The following SLIT2 variants were observed in gnomAD, a reference collection of about 807,000 sequenced individuals.
The protein encoded by SLIT2 is slit guidance ligand 2.
SLIT2 carries 41 observed loss-of-function variants against 185.7 expected under a neutral mutation model. That is an observed-to-expected ratio of 0.22 (90% CI 0.17 to 0.29). SLIT2 has a LOEUF of 0.29. SLIT2 is among the 10% of genes least tolerant of loss of function. The pLI, the probability that SLIT2 is intolerant of heterozygous loss-of-function variation, is 1.00. For missense variants in SLIT2, 1,571 were observed against 1,909.0 expected (o/e 0.82, Z 3.30); for synonymous variants, 693 against 680.2 (o/e 1.02, Z -0.29).
chr4:20,474,684 A>G (rs1715908719), intron 5 of SLIT2, among the ~76,000 whole-genome samples: 1 of 151,882 alleles, frequency 6.6e-6, no homozygotes, highest in African/African-American at 2.4e-5. Context: ...CATCTTTAAC[A>G]CTGAACAGTA....
chr4:20,500,027 A>G (rs769266167), intron 9 of SLIT2, among the ~76,000 whole-genome samples: 1 of 152,224 alleles, frequency 6.6e-6, no homozygotes, highest in Admixed American at 6.5e-5. Flanking sequence ...TAATTTTTTT[A>G]CAGCACATAT....
At chr4:20,494,257 TG>T (rs1718033553) in intron 9 of SLIT2, among the ~76,000 whole-genome samples, 1 of 152,158 alleles carries the variant, frequency 6.6e-6, no homozygotes, top group Non-Finnish European at 1.5e-5. Context: ...GAAACAGCTA[TG>T]ATAGCAAACA....
chr4:20,437,267 TCTC>T (rs989466835), intron 4 of SLIT2, among the ~76,000 whole-genome samples: 2 of 152,088 alleles, frequency 1.3e-5, no homozygotes, highest in African/African-American at 2.4e-5. Context: ...CAAGCTGGCT[TCTC>T]CTGCAAATTT....
At chr4:20,295,412 A>G (rs1716355946) in intron 4 of SLIT2, among the ~76,000 whole-genome samples, 1 of 152,190 alleles carries the variant, frequency 6.6e-6, no homozygotes, top group African/African-American at 2.4e-5. Flanking sequence ...TTTAACTTTA[A>G]TTTGAACAAA....
intron 4 of SLIT2, among the ~76,000 whole-genome samples, chr4:20,407,920 TAAAACA>T (rs1726898767): frequency 6.6e-6 from 1 of 152,006 alleles, no homozygotes; most frequent in Non-Finnish European, 1.5e-5. Context: ...AAAGCAAAAA[TAAAACA>T]AAACACTTTG....
At chr4:20,349,515 T>C (rs1246913114) in intron 4 of SLIT2, among the ~76,000 whole-genome samples, 2 of 152,144 alleles carry the variant, frequency 1.3e-5, no homozygotes, top group Admixed American at 6.6e-5. Flanking sequence ...ATGATGCTAT[T>C]GAAAGAAATG....
rs183524070 is a variant in SLIT2, at chr4:20,476,010, G to T, written c.468-4706G>T. Among the ~76,000 whole-genome samples the T allele has an allele frequency of 9.4e-3, 1,435 of 152,204 alleles. 11 individuals are homozygous for T. Among genetic ancestry groups the T allele is most frequent in the Non-Finnish European group, 0.015 (1,051 of 67,996 alleles). On this transcript the variant is annotated intron_variant, in intron 5 of 36. Coordinates refer to ENST00000504154, the MANE Select transcript of SLIT2 (RefSeq NM_004787.4). ...TAAATTACTTTGGGGTCCTCAGAAT[G>T]GTCCATACCTTAATTGCTTTCTTTA...
intron 9 of SLIT2, among the ~76,000 whole-genome samples, chr4:20,495,563 C>A (rs1278917954): frequency 6.6e-6 from 1 of 152,124 alleles, no homozygotes; most frequent in East Asian, 1.9e-4. Flanking sequence ...TTTGTATGTG[C>A]TATAGATTTT....
chr4:20,336,543 A>C (rs1195624981), intron 4 of SLIT2, among the ~76,000 whole-genome samples: 5 of 152,108 alleles, frequency 3.3e-5, no homozygotes, highest in Admixed American at 1.3e-4. Context: ...GAGTTGGGGG[A>C]GGGGAGAGGG....
At chr4:20,439,796 T>C (rs967277544) in intron 4 of SLIT2, among the ~76,000 whole-genome samples, 18 of 152,162 alleles carry the variant, frequency 1.2e-4, no homozygotes, top group Admixed American at 5.2e-4. Context: ...TTTAGTAATA[T>C]GTATTAAGTG....
intron 4 of SLIT2, among the ~76,000 whole-genome samples, chr4:20,339,363 G>A (rs964828095): frequency 5.9e-5 from 9 of 152,052 alleles, no homozygotes; most frequent in African/African-American, 1.7e-4. Flanking sequence ...GTGCCGGGGT[G>A]TACACAGTAA....
At chr4:20,410,243 C>CTTTTTTTTTTTTTTTTTTTT (rs1160985126) in intron 4 of SLIT2, among the ~76,000 whole-genome samples, 1 of 69,050 alleles carries the variant, frequency 1.4e-5, no homozygotes. Context: ...TCTTTCTTTT[C>CTTTTTTTTTTTTTTTTTTTT]TTTTTTTTTT....
At chr4:20,522,012 A>C (rs956406436) in intron 12 of SLIT2, among the ~76,000 whole-genome samples, 4 of 152,206 alleles carry the variant, frequency 2.6e-5, no homozygotes, top group Admixed American at 1.3e-4. Context: ...TGCTGTATCC[A>C]AGTATTGCCT....
intron 9 of SLIT2, among the ~76,000 whole-genome samples, chr4:20,507,169 CTCT>C (rs1560484134): frequency 6.6e-6 from 1 of 151,886 alleles, no homozygotes; most frequent in Non-Finnish European, 1.5e-5. Context: ...TTTATCATGA[CTCT>C]TCTTTGTTTT....
intron 29 of SLIT2, among the ~76,000 whole-genome samples, chr4:20,582,799 C>T (rs1468101713): frequency 1.3e-5 from 2 of 152,188 alleles, no homozygotes; most frequent in African/African-American, 4.8e-5. Context: ...TTACCAACAT[C>T]ACTACTCTTG....
At chr4:20,570,141 A>C (rs1725444699) in intron 29 of SLIT2, among the ~76,000 whole-genome samples, 1 of 151,822 alleles carries the variant, frequency 6.6e-6, no homozygotes, top group African/African-American at 2.4e-5. Context: ...CTTATTTTTA[A>C]TTTTTATTTT....
At chr4:20,486,052 G>T (rs1041027999) in intron 6 of SLIT2, 148 bp from the exon 7 acceptor site, 3 of 607,016 alleles carry the variant, frequency 4.9e-6, no homozygotes, top group African/African-American at 3.8e-5. Context: ...TTATCAACTT[G>T]TCTATAGAGT....
chr4:20,511,179 A>G (rs1487673428), intron 11 of SLIT2, 42 bp downstream of exon 11: 6 of 1,186,486 alleles, frequency 5.1e-6, no homozygotes, highest in Non-Finnish European at 3.7e-6. Context: ...AGAAGCCACA[A>G]CAAAGAGTGG....
rs1711575563 is a variant in SLIT2 at position 20,254,652 on chromosome 4, G to C, written c.179+658G>C. On this transcript the variant is annotated intron_variant, in intron 1 of 36. Transcript: ENST00000504154. This position sits in a 1 kb window ranked among gnomAD's most constrained non-coding sequence, Gnocchi z 5.1. ...GGGAAGACGGCGTCAGGCCCCTAGG[G>C]ACTTGTCTCAGCGGGCGACTGCGAG... is the stretch of plus-strand genomic sequence containing the variant. Among the ~76,000 whole-genome samples the C allele has an allele frequency of 6.6e-6, 1 of 152,102 alleles. No individual in the cohort carries two copies. The highest frequency in any genetic ancestry group is 1.5e-5 in the Non-Finnish European group (1 of 68,032).
Sources: gnomAD v4.1 joint callset for allele counts (sites outside exome capture counted in the v4.1 genomes callset) on GRCh38, gnomAD v4.1.1 for gene constraint, Gnocchi (gnomAD v3.1) non-coding constraint, MANE v1.5 for transcripts, NCBI Gene and HGNC (gene_info 2026-07-23, HGNC 2026-07-21) for gene names.